EDA: variants seen among roughly 807,000 people sequenced by gnomAD.
EDA encodes the protein ectodysplasin-A.
A neutral mutation model predicts 23.6 loss-of-function variants in EDA; 2 were observed. The ratio of observed to expected loss-of-function variants is 0.08; its 90% CI spans 0.03 to 0.27. The LOEUF (loss-of-function observed/expected upper bound fraction) is 0.27. EDA is among the 10% of genes least tolerant of loss of function. EDA has a pLI of 1.00. For synonymous variants in EDA, 131 were observed against 132.0 expected (o/e 0.99, Z 0.05); for missense variants, 229 against 324.2 (o/e 0.71, Z 2.26).
chrX:69,794,233 C>A (rs1445629924), intron 1 of EDA, among the ~76,000 whole-genome samples: 2 of 110,133 alleles, frequency 1.8e-5, no homozygotes, highest in African/African-American at 6.6e-5. Context: ...AAAAAAAAAA[C>A]CTTGCTTTGA....
chrX:69,723,259 A>C (rs1285988250), intron 1 of EDA, among the ~76,000 whole-genome samples: 1 of 112,209 alleles, frequency 8.9e-6, no homozygotes, highest in Non-Finnish European at 1.9e-5. Context: ...CTTTCTGGTT[A>C]ACCATCCATA....
rs924045608 is a variant in EDA at position 69,832,592 on chromosome X, C to T, written c.397-124435C>T. 2.5e-3 allele frequency among the ~76,000 whole-genome samples: 281 copies of T among 111,249 alleles called. 2 individuals carry two copies. The highest frequency in any genetic ancestry group is 3.0e-3 in the Non-Finnish European group (159 of 52,992). Reference sequence around the variant, plus strand: ...TCTGTGAAGAAAGTCATTGGTAGCTCAATGGGGATGGCATTGAATCTATAA... The same window carrying T: ...TCTGTGAAGAAAGTCATTGGTAGCTTAATGGGGATGGCATTGAATCTATAA... On this transcript the variant is annotated intron_variant, in intron 1 of 7. Coordinates refer to ENST00000374552, the MANE Select transcript of EDA (RefSeq NM_001399.5).
intron 1 of EDA, among the ~76,000 whole-genome samples, chrX:69,825,701 A>G (rs1460172722): frequency 3.6e-5 from 4 of 112,233 alleles, no homozygotes; most frequent in African/African-American, 1.3e-4. Flanking sequence ...TATTTCCTTC[A>G]GTTCTGCTCT....
intron 1 of EDA, among the ~76,000 whole-genome samples, chrX:69,865,320 A>T (rs2017467998): frequency 9.1e-6 from 1 of 110,430 alleles, no homozygotes; most frequent in South Asian, 3.9e-4. Flanking sequence ...ATACATACAT[A>T]TATATGTATA....
At chrX:69,789,281 C>G (rs1402527413) in intron 1 of EDA, among the ~76,000 whole-genome samples, 1 of 112,229 alleles carries the variant, frequency 8.9e-6, no homozygotes, top group Non-Finnish European at 1.9e-5. Context: ...GAGCTGTAGA[C>G]CGGAGCTGTT....
intron 1 of EDA, among the ~76,000 whole-genome samples, chrX:69,626,143 A>G (rs1228813829): frequency 8.9e-6 from 1 of 111,979 alleles, no homozygotes; most frequent in Non-Finnish European, 1.9e-5. Flanking sequence ...TAGACTGGCT[A>G]TAATGAAAAA....
At chrX:69,795,296 G>A (rs960365230) in intron 1 of EDA, among the ~76,000 whole-genome samples, 3 of 112,003 alleles carry the variant, frequency 2.7e-5, no homozygotes, top group East Asian at 5.6e-4. Flanking sequence ...AAAGTGCTAC[G>A]ATTACAGGTG....
chrX:69,909,635 A>C (rs931841808), intron 1 of EDA, among the ~76,000 whole-genome samples: 4 of 112,637 alleles, frequency 3.6e-5, no homozygotes, highest in Admixed American at 2.8e-4. Context: ...ATGAGCTATA[A>C]ATTTGCTTGC....
intron 1 of EDA, among the ~76,000 whole-genome samples, chrX:69,699,703 T>C (rs1421092223): frequency 9.1e-6 from 1 of 110,413 alleles, no homozygotes; most frequent in Non-Finnish European, 1.9e-5. Flanking sequence ...TGCAACTCCA[T>C]GCCATTCGCT....
At chrX:69,786,793 G>T (rs1451550503) in intron 1 of EDA, among the ~76,000 whole-genome samples, 3 of 111,428 alleles carry the variant, frequency 2.7e-5, no homozygotes, top group African/African-American at 9.8e-5. Flanking sequence ...GAGTTCTGTA[G>T]ATGTCTATTA....
intron 1 of EDA, among the ~76,000 whole-genome samples, chrX:69,637,928 G>T (rs1370565783): frequency 9.0e-6 from 1 of 110,835 alleles, no homozygotes; most frequent in Non-Finnish European, 1.9e-5. Context: ...TTATTTGGTG[G>T]TGGTGGTGGA....
At chrX:69,683,707 G>A (rs970010000) in intron 1 of EDA, among the ~76,000 whole-genome samples, 18 of 111,198 alleles carry the variant, frequency 1.6e-4, no homozygotes, top group African/African-American at 5.9e-4. Flanking sequence ...CTTGAACATG[G>A]TAGATGCTCA....
At chrX:69,762,249 C>T (rs2014330772) in intron 1 of EDA, among the ~76,000 whole-genome samples, 1 of 111,824 alleles carries the variant, frequency 8.9e-6, no homozygotes, top group Non-Finnish European at 1.9e-5. Context: ...TGCCCAACCT[C>T]CTTTATTCCA....
intron 1 of EDA, among the ~76,000 whole-genome samples, chrX:69,663,912 G>T (rs751341770): frequency 2.7e-5 from 3 of 112,315 alleles, no homozygotes; most frequent in South Asian, 7.4e-4. Context: ...GGACTTGCAT[G>T]AGGCCTGAAG....
At chrX:70,005,867 T>A (rs944724632) in intron 2 of EDA, among the ~76,000 whole-genome samples, 15 of 112,106 alleles carry the variant, frequency 1.3e-4, no homozygotes, top group African/African-American at 4.9e-4. Flanking sequence ...AGAGAGTTCC[T>A]GTATACAAAG....
At chrX:69,938,853 C>T (rs1319147601) in intron 1 of EDA, among the ~76,000 whole-genome samples, 1 of 112,295 alleles carries the variant, frequency 8.9e-6, no homozygotes, top group African/African-American at 3.2e-5. Flanking sequence ...ACTGAAGAGA[C>T]TGTCTTTTCC....
intron 2 of EDA, among the ~76,000 whole-genome samples, chrX:70,018,680 A>C (rs2019988299): frequency 8.9e-6 from 1 of 112,129 alleles, no homozygotes; most frequent in African/African-American, 3.2e-5. Context: ...ATATACAAAA[A>C]TTAACTCAAG....
chrX:69,687,577 A>G (rs1176093467), intron 1 of EDA: 1 of 111,632 alleles, frequency 9.0e-6, no homozygotes, highest in Non-Finnish European at 1.9e-5. Flanking sequence ...TTAATGTCCA[A>G]TTTATCTAAT....
intron 1 of EDA, among the ~76,000 whole-genome samples, chrX:69,881,072 A>G (rs368942732): frequency 8.9e-6 from 1 of 112,013 alleles, no homozygotes; most frequent in East Asian, 2.8e-4. Context: ...GCAAAGCCTG[A>G]CGCATCCTGA....
Sources: gnomAD v4.1 joint callset for allele counts (sites outside exome capture counted in the v4.1 genomes callset) on GRCh38, gnomAD v4.1.1 for gene constraint, MANE v1.5 for transcripts, NCBI Gene and HGNC (gene_info 2026-07-23, HGNC 2026-07-21) for gene names.